LZTR1: variants seen among roughly 807,000 people sequenced by gnomAD.
The protein encoded by LZTR1 is leucine zipper like post translational regulator 1, also known as leucine-zipper-like transcriptional regulator 1.
LZTR1 carries 260 observed loss-of-function variants against 105.7 expected under a neutral mutation model. That is an observed-to-expected ratio of 2.46 (90% confidence interval 2.22 to 2.72). The LOEUF is 2.72. Among genes scored for constraint, LZTR1 ranks in the 30% most tolerant of loss-of-function variants. LZTR1 has a pLI of 0.00. For synonymous variants in LZTR1, 490 were observed against 476.4 expected (o/e 1.03, Z -0.37); for missense variants, 1,214 against 1,166.9 (o/e 1.04, Z -0.59).
chr22:20,998,146 A>G lies in LZTR1; in HGVS notation c.*798A>G, dbSNP rs1924948127. The G allele has an allele frequency of 6.6e-6, 1 of 152,448 alleles. No individual in the cohort carries two copies. The highest frequency in any genetic ancestry group is 2.4e-5 in the African/African-American group (1 of 41,434). The allele number at this position is 152,448 out of a possible 1,614,324, so 9.4% of individuals were successfully genotyped here. Reference sequence around the variant, plus strand: ...CACACACCTTGCTGGCCCGGCCACCACTGCTGGCTTCAGCCCCTTGAGCAG... The same window carrying G: ...CACACACCTTGCTGGCCCGGCCACCGCTGCTGGCTTCAGCCCCTTGAGCAG... On this transcript the variant is annotated 3_prime_UTR_variant, in exon 21 of 21. Coordinates refer to ENST00000646124, the MANE Select transcript of LZTR1 (RefSeq NM_006767.4).
In LZTR1 at chr22:20,988,105, A is replaced by G; in HGVS notation, c.496A>G (p.Lys166Glu). The G allele has an allele frequency of 6.2e-7, 1 of 1,608,232 alleles. No individual in the cohort carries two copies. The highest frequency in any genetic ancestry group is 1.1e-5 in the South Asian group (1 of 90,916). ...TGCAACTGGCCAGTGGACGGAGTGG[A>G]AAATTGAAGGACGGTGAGAAACTTT... is the stretch of plus-strand genomic sequence containing the variant. The part of the protein sequence containing the change: ...KFATGQWTEW[K>E]IEGRLPVARS... Residue 166 changes from lysine (K) to glutamate (E), a missense_variant, in exon 5 of 21, where the codon AAA becomes GAA. Coordinates refer to ENST00000646124, the MANE Select transcript of LZTR1 (RefSeq NM_006767.4).
rs1924657922 is a variant in LZTR1, at chr22:20,992,903, AG to A, written c.1260+1del. On this transcript the variant is annotated frameshift_variant and splice_region_variant, in exon 11 of 21. Coordinates refer to ENST00000646124, the MANE Select transcript of LZTR1 (RefSeq NM_006767.4). LOFTEE classifies it high-confidence loss of function. ...NIRSGEMYRF[Q>X]FSCYPKCTLH... ...CGCAGCGGGGAGATGTACAGGTTCC[AG>A]GTGTGGGGCCTGTGGGCCTGTAGAG... is the stretch of plus-strand genomic sequence containing the variant. 3 of 1,588,714 alleles carry A rather than the reference AG, an allele frequency of 1.9e-6. No individual in the cohort carries two copies. The highest frequency in any genetic ancestry group is 2.6e-6 in the Non-Finnish European group (3 of 1,163,732).
Position 20,989,613 on chromosome 22 carries a change from G to C in LZTR1, c.594-12G>C, listed in dbSNP as rs1362780940. The C allele has an allele frequency of 6.2e-7, 1 of 1,613,124 alleles. No homozygotes were observed. Among genetic ancestry groups the C allele is most frequent in the Admixed American group, 1.7e-5 (1 of 60,024 alleles). On this transcript the variant is annotated splice_polypyrimidine_tract_variant and intron_variant, in intron 6 of 20. Coordinates refer to ENST00000646124, the MANE Select transcript of LZTR1 (RefSeq NM_006767.4). Reference sequence around the variant, plus strand: ...AGACCCAAGGGGTCCTCACTGGTCTGTCCTAATACAGGTTGAATGACATGT... The same window carrying C: ...AGACCCAAGGGGTCCTCACTGGTCTCTCCTAATACAGGTTGAATGACATGT...
In LZTR1 at chr22:20,995,813, T is replaced by C; in HGVS notation, c.2010T>C (p.Thr670=). ...CGGGCGCGGAATTCTGTGACATCAC[T>C]CTGTTGCTTGACGGGCACCCACGGC... The part of the protein sequence containing the change: ...EGAGAEFCDI[T]LLLDGHPRPA... The change falls in exon 17 of 21, where the codon ACT becomes ACC. Residue 670 remains threonine (T), a synonymous_variant. Coordinates refer to ENST00000646124, the MANE Select transcript of LZTR1 (RefSeq NM_006767.4). 1 of 1,613,366 alleles carries C rather than the reference T, an allele frequency of 6.2e-7. No homozygotes were observed. Among genetic ancestry groups the C allele is most frequent in the Middle Eastern group, 1.6e-4 (1 of 6,062 alleles).
rs370528040 is a variant in LZTR1 at position 20,994,902 on chromosome 22, C to T, written c.1818C>T (p.Ser606=). ...EHCLNFVVKE[S]HFNQVIMMKE... ...GCCTGAACTTCGTGGTAAAGGAGTCCCACTTCAACCAGGTGATCATGATGA... is the reference window on the plus strand; with the variant it reads ...GCCTGAACTTCGTGGTAAAGGAGTCTCACTTCAACCAGGTGATCATGATGA... The change falls in exon 16 of 21, where the codon TCC becomes TCT. Residue 606 remains serine (S), a synonymous_variant. Coordinates refer to ENST00000646124, the MANE Select transcript of LZTR1 (RefSeq NM_006767.4). 5.0e-6 allele frequency: 8 copies of T among 1,613,432 alleles called. No homozygotes were observed. The African/African-American group carries it at 1.1e-4, about 21-fold the overall frequency.
chr22:20,986,124 C>T (rs758940641), intron 3 of LZTR1: 16 of 581,392 alleles, frequency 2.8e-5, no homozygotes, highest in South Asian at 2.0e-5. Flanking sequence ...GCACACAGGG[C>T]GGCACCCTTC....
chr22:20,994,619 G>C lies in LZTR1; in HGVS notation c.1677G>C (p.Leu559Phe), dbSNP rs1924753021. 2.5e-6 allele frequency: 4 copies of C among 1,612,650 alleles called. No individual in the cohort carries two copies. In the South Asian group the frequency reaches 4.4e-5, roughly 18 times the overall value. The change falls in exon 15 of 21, where the codon TTG becomes TTC. Residue 559 changes from leucine to phenylalanine, a missense_variant. By Grantham distance (22) the Leu-to-Phe change is conservative. Transcript: ENST00000646124. ...DVYKLALSFQLCRLEQLCRQY... is the reference protein window; with the variant it reads ...DVYKLALSFQFCRLEQLCRQY... ...ACAAACTGGCACTGAGCTTCCAGTT[G>C]TGCCGCCTGGAGCAGCTGTGCCGCC...
chr22:20,993,939 C>T lies in LZTR1; in HGVS notation c.1369C>T (p.Gln457Ter). The change falls in exon 13 of 21, where the codon CAG (glutamine) becomes TAG (stop). Residue 457 changes from glutamine to a stop codon, truncating the protein, a stop_gained. Coordinates refer to ENST00000646124, the MANE Select transcript of LZTR1 (RefSeq NM_006767.4). LOFTEE classifies it high-confidence loss of function. Reference sequence around the variant, plus strand: ...CTTTGTGCAGAAGGAGGAGTGCGTGCAGGGCCACGTAGCCATTGTCACAGC... The same window carrying T: ...CTTTGTGCAGAAGGAGGAGTGCGTGTAGGGCCACGTAGCCATTGTCACAGC... ...FVLGEKEECV[Q>*]GHVAIVTARS... The T allele has an allele frequency of 2.5e-6, 4 of 1,612,306 alleles. No homozygotes were observed. Among genetic ancestry groups the T allele is most frequent in the Non-Finnish European group, 3.4e-6 (4 of 1,179,844 alleles).
rs1471674622 is a variant in LZTR1 at position 20,995,881 on chromosome 22, G to A, written c.2069+9G>A. 1.2e-6 allele frequency: 2 copies of A among 1,612,700 alleles called. No homozygotes were observed. The highest frequency in any genetic ancestry group is 1.7e-5 in the Admixed American group (1 of 59,998). ...CTGGCCGCCCGCTCCAGGTGGGTGG[G>A]GGCTGGACAGGAGGGGAGGGTGGGC... On this transcript the variant is annotated intron_variant, in intron 17 of 20. Coordinates refer to ENST00000646124, the MANE Select transcript of LZTR1 (RefSeq NM_006767.4).
At chr22:20,992,675 C>T (rs892678702) in intron 10 of LZTR1, 119 bp from the exon 11 acceptor site, 1 of 703,214 alleles carries the variant, frequency 1.4e-6, no homozygotes, top group East Asian at 2.7e-5. Flanking sequence ...CCCTTGGGGA[C>T]CCTGCCCCCT....
At chr22:20,984,326 G>T (rs1216945144) in intron 2 of LZTR1, among the ~76,000 whole-genome samples, 17 of 152,190 alleles carry the variant, frequency 1.1e-4, no homozygotes, top group Admixed American at 1.1e-3. Context: ...ATGAAGAAGA[G>T]ATGCCTACCC....
At chr22:20,988,935 C>A in intron 6 of LZTR1, 63 bp downstream of exon 6, 1 of 1,463,268 alleles carries the variant, frequency 6.8e-7, no homozygotes, top group Non-Finnish European at 9.5e-7. Flanking sequence ...AGCAGGCCGT[C>A]CTGGCATTTG....
chr22:20,993,162 C>G (rs1924668074), intron 11 of LZTR1, among the ~76,000 whole-genome samples: 2 of 152,228 alleles, frequency 1.3e-5, no homozygotes. Flanking sequence ...CCAAGCTGGG[C>G]TCAGCACCAG....
chr22:20,993,538 C>T (rs948681933), intron 11 of LZTR1, 124 bp from the exon 12 acceptor site: 11 of 737,250 alleles, frequency 1.5e-5, no homozygotes, highest in East Asian at 5.4e-5. Context: ...CAGCCAGGCC[C>T]ACCTGCCTCC....
At chr22:20,993,598 G>A in intron 11 of LZTR1, 64 bp from the exon 12 acceptor site, 1 of 1,433,252 alleles carries the variant, frequency 7.0e-7, no homozygotes, top group South Asian at 1.2e-5. Flanking sequence ...GGGTCGGCCT[G>A]CACAGCCACA....
intron 10 of LZTR1, 114 bp from the exon 11 acceptor site, chr22:20,992,679 GC>G: frequency 2.8e-6 from 2 of 714,716 alleles, no homozygotes; most frequent in Non-Finnish European, 4.8e-6. Context: ...TGGGGACCCT[GC>G]CCCCTGGCCC....
chr22:20,990,572 C>A (rs144038759), intron 8 of LZTR1, 47 bp downstream of exon 8: 20 of 1,557,776 alleles, frequency 1.3e-5, no homozygotes, highest in Non-Finnish European at 9.6e-6. Context: ...TCAGTTCCCT[C>A]GAATCCTTCT....
rs4822783 is a variant in LZTR1, at chr22:20,988,522, C to T, written c.510-267C>T. Among the ~76,000 whole-genome samples, 81,432 of 152,056 alleles carry T rather than the reference C, an allele frequency of 0.54. 22,351 individuals are homozygous for T. Among genetic ancestry groups the T allele is most frequent in the Admixed American group, 0.57 (8,692 of 15,282 alleles). ...ACTGCTGATGGCGCTTCTGGGGTCC[C>T]GCTTTTTGAGCACCCCCTTTGATAT... On this transcript the variant is annotated intron_variant, in intron 5 of 20. Transcript: ENST00000646124.
At chr22:20,984,622 G>GGGC (rs1924313902) in intron 2 of LZTR1, among the ~76,000 whole-genome samples, 8 of 132,784 alleles carry the variant, frequency 6.0e-5, no homozygotes, top group African/African-American at 1.4e-4. Context: ...GAGGGGGGGG[G>GGGC]GGCGGTATCA....
Sources: gnomAD v4.1 joint callset for allele counts (sites outside exome capture counted in the v4.1 genomes callset) on GRCh38, gnomAD v4.1.1 for gene constraint, MANE v1.5 for transcripts, NCBI Gene and HGNC (gene_info 2026-07-23, HGNC 2026-07-21) for gene names.